NWD1: variants seen among roughly 807,000 people sequenced by gnomAD.
NWD1 encodes NACHT and WD repeat domain containing 1.
A neutral mutation model predicts 135.1 loss-of-function variants in NWD1; 129 were observed. That is an observed-to-expected ratio of 0.96 (90% CI 0.83 to 1.11). The LOEUF (loss-of-function observed/expected upper bound fraction) is 1.11. Among genes scored for constraint, NWD1 ranks in the 50% least tolerant of loss-of-function variants. The pLI is 0.00. For missense variants in NWD1, 1,740 were observed against 1,851.3 expected, an observed-to-expected ratio of 0.94 and a Z score of 1.10; for synonymous variants, 773 against 786.0, an observed-to-expected ratio of 0.98 and a Z score of 0.28.
rs187270533 is a variant in NWD1, at chr19:16,755,251, C to T, written c.1770-3974C>T. Among the ~76,000 whole-genome samples the T allele has an allele frequency of 5.9e-5, 9 of 152,222 alleles. No homozygotes were observed. The South Asian group carries it at 8.3e-4, about 14-fold the overall frequency. On this transcript the variant is annotated intron_variant, in intron 6 of 18. Transcript: ENST00000524140. ...TTGGGGGGGGACAGGGTCTCACTCTCTTGACCCAGACTGGAGTGCACTGAA... is the reference window on the plus strand; with the variant it reads ...TTGGGGGGGGACAGGGTCTCACTCTTTTGACCCAGACTGGAGTGCACTGAA...
At chr19:16,772,417 T>C (rs906116351) in intron 10 of NWD1, among the ~76,000 whole-genome samples, 4 of 151,966 alleles carry the variant, frequency 2.6e-5, no homozygotes, top group Admixed American at 1.3e-4. Flanking sequence ...CCCAGCACTT[T>C]AGGAGGCCGA....
At position 16,733,463 on chromosome 19, in the gene NWD1, G is replaced by A. The variant is rs185559303; in HGVS notation, c.81+2185G>A. ...TTGAACCTGGGAGGTGGTGGTTGCA[G>A]TGAGCCGAGATAACGCCACTGCACT... On this transcript the variant is annotated intron_variant, in intron 3 of 18. Transcript: ENST00000524140. 9.3e-5 allele frequency among the ~76,000 whole-genome samples: 14 copies of A among 149,820 alleles called. No individual in the cohort carries two copies. In the East Asian group the frequency reaches 2.7e-3, roughly 29 times the overall value.
At chr19:16,778,506 T>TTG (rs1555727668) in intron 11 of NWD1, among the ~76,000 whole-genome samples, 16 of 140,716 alleles carry the variant, frequency 1.1e-4, no homozygotes, top group South Asian at 6.9e-4. Context: ...TTTTTTTTTT[T>TTG]TTGTTGTTGT....
intron 12 of NWD1, among the ~76,000 whole-genome samples, chr19:16,780,627 T>C (rs2122999077): frequency 6.6e-6 from 1 of 152,156 alleles, no homozygotes; most frequent in South Asian, 2.1e-4. Context: ...TCTCTTTCCT[T>C]TCCTTTCCTT....
intron 18 of NWD1, 48 bp from the exon 19 acceptor site, chr19:16,814,980 C>A: frequency 1.3e-6 from 2 of 1,575,334 alleles, no homozygotes; most frequent in South Asian, 1.2e-5. Flanking sequence ...AGGATTGGAC[C>A]TCTACACCCC....
intron 10 of NWD1, among the ~76,000 whole-genome samples, chr19:16,768,957 CA>C (rs1303856655): frequency 1.3e-4 from 20 of 152,198 alleles, no homozygotes; most frequent in African/African-American, 4.6e-4. Context: ...GTCTCTCCTC[CA>C]GACAGCATCC....
At chr19:16,772,974 GAGA>G (rs1045781677) in intron 10 of NWD1, 149 bp from the exon 11 acceptor site, 3 of 673,608 alleles carry the variant, frequency 4.5e-6, no homozygotes, top group Middle Eastern at 3.7e-4. Context: ...CTGGAGAGCA[GAGA>G]AGGAGACAGG....
At chr19:16,747,225 C>T (rs1347824634) in intron 5 of NWD1, among the ~76,000 whole-genome samples, 7 of 151,560 alleles carry the variant, frequency 4.6e-5, no homozygotes, top group South Asian at 2.1e-4. Flanking sequence ...TTAGTAGAGA[C>T]GGGGTTTCCC....
At chr19:16,784,769 A>T (rs1434541401) in intron 12 of NWD1, among the ~76,000 whole-genome samples, 1 of 151,972 alleles carries the variant, frequency 6.6e-6, no homozygotes, top group Admixed American at 6.6e-5. Context: ...TCTCTACTAA[A>T]AATACAAAAA....
chr19:16,761,350 C>CTTTCTTTCTTTCTTTCTTTCTT (rs60597477), intron 7 of NWD1, among the ~76,000 whole-genome samples: 2 of 144,092 alleles, frequency 1.4e-5, no homozygotes, highest in African/African-American at 5.9e-5. Context: ...CCCTTTCTTT[C>CTTTCTTTCTTTCTTTCTTTCTT]TCTTTCTTTC....
intron 10 of NWD1, among the ~76,000 whole-genome samples, chr19:16,772,264 C>A (rs150585037): frequency 6.6e-6 from 1 of 152,192 alleles, no homozygotes; most frequent in African/African-American, 2.4e-5. Flanking sequence ...AATATAGAGG[C>A]TGTGGCCGGA....
In NWD1 at chr19:16,732,743, T is replaced by C. The variant is rs114668608; in HGVS notation, c.81+1465T>C. Reference sequence around the variant, plus strand: ...TTGAGCTTCTGGGCTCAAGGGATCCTCCTGTCTCAGCCTTCTGAGGAGCTG... The same window carrying C: ...TTGAGCTTCTGGGCTCAAGGGATCCCCCTGTCTCAGCCTTCTGAGGAGCTG... On this transcript the variant is annotated intron_variant, in intron 3 of 18. Coordinates refer to ENST00000524140, the MANE Select transcript of NWD1 (RefSeq NM_001007525.5). Among the ~76,000 whole-genome samples the C allele has an allele frequency of 3.2e-3, 479 of 148,252 alleles. 7 individuals carry two copies. Among genetic ancestry groups the C allele is most frequent in the African/African-American group, 0.011 (461 of 40,142 alleles).
At chr19:16,757,646 C>T (rs1485918940) in intron 6 of NWD1, among the ~76,000 whole-genome samples, 1 of 152,166 alleles carries the variant, frequency 6.6e-6, no homozygotes, top group Non-Finnish European at 1.5e-5. Context: ...GAGGTGCCCG[C>T]TCTGAGGTTC....
Position 16,749,287 on chromosome 19 carries a change from C to T in NWD1, c.645C>T (p.Cys215=), listed in dbSNP as rs1159676581. The change falls in exon 6 of 19, where the codon TGC becomes TGT. Residue 215 remains cysteine, a synonymous_variant. Coordinates refer to ENST00000524140, the MANE Select transcript of NWD1 (RefSeq NM_001007525.5). ...TGGTGGACCGGCTCGCGGATGGCTG[C>T]CTGGACGCTGATGCCCAGAACCTTC... is the stretch of plus-strand genomic sequence containing the variant. ...LRMVDRLADG[C]LDADAQNLLS... 10 of 1,614,016 alleles carry T rather than the reference C, an allele frequency of 6.2e-6. No individual in the cohort carries two copies. The highest frequency in any genetic ancestry group is 8.5e-6 in the Non-Finnish European group (10 of 1,179,992).
rs901718036 is a variant in NWD1, at chr19:16,816,610, T to C, written c.*1571T>C. The C allele has an allele frequency of 6.6e-6, 1 of 152,252 alleles. No homozygotes were observed. Among genetic ancestry groups the C allele is most frequent in the African/African-American group, 2.4e-5 (1 of 41,472 alleles). 9.4% of individuals were successfully genotyped at this position (152,252 alleles called of 1,614,324 possible). A position where few individuals can be genotyped will look rare whatever the true frequency, so the allele number is the denominator to read the frequency against. On this transcript the variant is annotated 3_prime_UTR_variant, in exon 19 of 19. Transcript: ENST00000524140. ...ACTGTTTTCATTCCACTTAAGTGGA[T>C]CTTTCTTCTTTGCCCACAGCCTTCT...
intron 4 of NWD1, among the ~76,000 whole-genome samples, chr19:16,739,818 G>T (rs998124474): frequency 6.6e-5 from 10 of 152,174 alleles, no homozygotes; most frequent in Non-Finnish European, 1.3e-4. Flanking sequence ...TGTCTCCAGA[G>T]CTCTGAGAGT....
intron 10 of NWD1, among the ~76,000 whole-genome samples, chr19:16,767,939 C>G (rs1201903765): frequency 6.6e-6 from 1 of 151,104 alleles, no homozygotes; most frequent in East Asian, 1.9e-4. Flanking sequence ...GCAGAATGTC[C>G]TCAAGTTTCA....
intron 2 of NWD1, among the ~76,000 whole-genome samples, chr19:16,725,039 TCTCA>T (rs2122665335): frequency 6.6e-6 from 1 of 150,980 alleles, no homozygotes; most frequent in Non-Finnish European, 1.5e-5. Flanking sequence ...TGAGACGGGG[TCTCA>T]CTCTGTCGCC....
At chr19:16,805,795 T>A (rs777296561) in intron 17 of NWD1, among the ~76,000 whole-genome samples, 1 of 152,226 alleles carries the variant, frequency 6.6e-6, no homozygotes, top group Non-Finnish European at 1.5e-5. Flanking sequence ...AAGTTGAGAA[T>A]CAGCTTGAAA....
Sources: gnomAD v4.1 joint callset for allele counts (sites outside exome capture counted in the v4.1 genomes callset) on GRCh38, gnomAD v4.1.1 for gene constraint, MANE v1.5 for transcripts, NCBI Gene and HGNC (gene_info 2026-07-23, HGNC 2026-07-21) for gene names.